The following GHRHR variants were observed in gnomAD, a reference collection of about 807,000 sequenced individuals.
GHRHR encodes the protein growth hormone-releasing hormone receptor.
Under a neutral mutation model 58.3 loss-of-function variants are expected in GHRHR, and 40 were observed. That is an observed-to-expected ratio of 0.69 (90% CI 0.53 to 0.89). GHRHR has a LOEUF of 0.89. Ranked by LOEUF, GHRHR falls within the 40% of genes least tolerant of loss-of-function variation. The probability of loss-of-function intolerance (pLI) is 0.00; values close to 1 mark genes in which losing one functional copy is unlikely to be tolerated. For missense variants in GHRHR, 551 were observed against 541.3 expected, an observed-to-expected ratio of 1.02 and a Z score of -0.18; for synonymous variants, 249 against 216.6, an observed-to-expected ratio of 1.15 and a Z score of -1.31.
At chr7:30,974,258 C>T in intron 7 of GHRHR, 120 bp downstream of exon 7, 1 of 1,233,406 alleles carries the variant, frequency 8.1e-7, no homozygotes, top group Non-Finnish European at 1.2e-6. Flanking sequence ...GGACAGGCCA[C>T]AGTCCGGCAG....
At chr7:30,978,260 T>C (rs1792625547) in intron 12 of GHRHR, among the ~76,000 whole-genome samples, 1 of 152,184 alleles carries the variant, frequency 6.6e-6, no homozygotes, top group Admixed American at 6.5e-5. Flanking sequence ...GGTGTCTGGC[T>C]GTAGCAGACC....
intron 1 of GHRHR, among the ~76,000 whole-genome samples, chr7:30,966,766 C>A (rs1212137711): frequency 1.3e-5 from 2 of 152,278 alleles, no homozygotes; most frequent in East Asian, 3.9e-4. Context: ...CCTCAGCCTC[C>A]TGAGTAGCTG....
intron 1 of GHRHR, among the ~76,000 whole-genome samples, chr7:30,968,452 C>G (rs1034160639): frequency 6.6e-6 from 1 of 152,060 alleles, no homozygotes; most frequent in African/African-American, 2.4e-5. Context: ...CCATCCAAAC[C>G]TAGGCAGACC....
intron 7 of GHRHR, 96 bp from the exon 8 acceptor site, chr7:30,974,333 G>A (rs532132382): frequency 9.0e-7 from 1 of 1,115,682 alleles, no homozygotes; most frequent in East Asian, 2.3e-5. Context: ...CCTTTGCAGT[G>A]CCCTACGTGG....
intron 1 of GHRHR, among the ~76,000 whole-genome samples, chr7:30,964,338 G>T (rs766347089): frequency 5.9e-5 from 9 of 152,198 alleles, no homozygotes; most frequent in Non-Finnish European, 1.0e-4. Context: ...GTGACTCTGG[G>T]TAGTGCTATT....
chr7:30,964,172 A>C, intron 1 of GHRHR, 47 bp downstream of exon 1: 1 of 1,509,086 alleles, frequency 6.6e-7, no homozygotes, highest in Non-Finnish European at 8.9e-7. Flanking sequence ...TGGGCTCCAG[A>C]TTTGGGAGCC....
Position 30,979,469 on chromosome 7 carries a change from C to T in GHRHR, c.*225C>T, listed in dbSNP as rs561615897. 2.3e-5 allele frequency: 12 copies of T among 521,252 alleles called. No homozygotes were observed. Among genetic ancestry groups the T allele is most frequent in the African/African-American group, 1.5e-4 (8 of 52,572 alleles). The allele number at this position is 521,252 out of a possible 1,614,324, so 32.3% of individuals were successfully genotyped here. ...TCTGTGTCTGCTCTCATCCATTCCT[C>T]TTACTGGGGCCTGGGGCTCTAGCCC... On this transcript the variant is annotated 3_prime_UTR_variant, in exon 13 of 13. Transcript: ENST00000326139.
chr7:30,965,708 G>T (rs1792333929), intron 1 of GHRHR, among the ~76,000 whole-genome samples: 1 of 152,196 alleles, frequency 6.6e-6, no homozygotes, highest in African/African-American at 2.4e-5. Flanking sequence ...GCCCTGAAAA[G>T]TTTCCCAGGC....
In GHRHR at chr7:30,964,145, C is replaced by A; in HGVS notation, c.57+20C>A. ...CCGACCGTGAGTAGCCAGCTGAGAC[C>A]CTCTGGCCTCTGCCACTGGGCTCCA... On this transcript the variant is annotated intron_variant, in intron 1 of 12. Transcript: ENST00000326139. 3 of 1,542,968 alleles carry A rather than the reference C, an allele frequency of 1.9e-6. No individual in the cohort carries two copies. The South Asian group carries it at 3.6e-5, about 18-fold the overall frequency.
intron 4 of GHRHR, among the ~76,000 whole-genome samples, chr7:30,970,285 A>T (rs981439087): frequency 3.3e-5 from 5 of 152,168 alleles, no homozygotes; most frequent in African/African-American, 1.2e-4. Flanking sequence ...GGCTCCTAGC[A>T]GCCCTGGGAA....
intron 4 of GHRHR, 176 bp from the exon 5 acceptor site, chr7:30,970,943 G>A: frequency 1.5e-6 from 1 of 671,112 alleles, no homozygotes; most frequent in Admixed American, 2.1e-5. Flanking sequence ...AAGGCAGGCT[G>A]TAAACTAAAG....
At position 30,977,811 on chromosome 7, in the gene GHRHR, C is replaced by T. The variant is rs866588298; in HGVS notation, c.1146+489C>T. ...TCTGGAGCCCAAGAAACAGAGAGAG[C>T]ACCTAAAGAAAACAGACACACAAAG... On this transcript the variant is annotated intron_variant, in intron 12 of 12. Coordinates refer to ENST00000326139, the MANE Select transcript of GHRHR (RefSeq NM_000823.4). Among the ~76,000 whole-genome samples the T allele has an allele frequency of 4.6e-5, 7 of 152,218 alleles. No homozygotes were observed. In the South Asian group the frequency reaches 6.2e-4, roughly 14 times the overall value.
At chr7:30,966,153 T>C (rs1053138202) in intron 1 of GHRHR, among the ~76,000 whole-genome samples, 9 of 152,070 alleles carry the variant, frequency 5.9e-5, no homozygotes, top group African/African-American at 1.9e-4. Flanking sequence ...CCCTCCTTAC[T>C]GGGCTGGCTC....
chr7:30,965,693 A>G (rs1443695693), intron 1 of GHRHR, among the ~76,000 whole-genome samples: 1 of 152,080 alleles, frequency 6.6e-6, no homozygotes. Context: ...TGCTTCCCCA[A>G]ATTGGCCCTG....
chr7:30,979,056 A>G, intron 12 of GHRHR, 63 bp from the exon 13 acceptor site: 1 of 1,530,132 alleles, frequency 6.5e-7, no homozygotes, highest in East Asian at 2.3e-5. Context: ...CCTTAGTCTC[A>G]TTGGGGTTGA....
intron 1 of GHRHR, among the ~76,000 whole-genome samples, chr7:30,965,013 A>G (rs1333225968): frequency 1.3e-5 from 2 of 152,194 alleles, no homozygotes; most frequent in Non-Finnish European, 2.9e-5. Context: ...TCCTGGACGC[A>G]TGAAACTAGC....
Position 30,969,880 on chromosome 7 carries a change from G to A in GHRHR, c.282G>A (p.Arg94=). ...HFSSESGAVK[R]DCTITGWSEP... is the part of the protein sequence containing the mutation. Reference sequence around the variant, plus strand: ...CTTGCCTCCCAGGGGCTGTGAAACGGGATTGTACTATCACTGGCTGGTCTG... The same window carrying A: ...CTTGCCTCCCAGGGGCTGTGAAACGAGATTGTACTATCACTGGCTGGTCTG... Residue 94 remains arginine (R), a synonymous_variant, in exon 4 of 13, where the codon CGG becomes CGA. Transcript: ENST00000326139. The A allele has an allele frequency of 6.2e-7, 1 of 1,613,042 alleles. No individual in the cohort carries two copies.
intron 5 of GHRHR, 128 bp from the exon 6 acceptor site, chr7:30,971,835 A>T: frequency 2.3e-6 from 2 of 865,240 alleles, no homozygotes; most frequent in Non-Finnish European, 3.9e-6. Flanking sequence ...GTTCAGCTCA[A>T]TTCAATTCAG....
intron 6 of GHRHR, among the ~76,000 whole-genome samples, chr7:30,973,479 A>G (rs1482878002): frequency 6.6e-6 from 1 of 152,208 alleles, no homozygotes; most frequent in African/African-American, 2.4e-5. Context: ...ACCTGGGCCA[A>G]CTGAACTCAG....
Sources: gnomAD v4.1 joint callset for allele counts (sites outside exome capture counted in the v4.1 genomes callset) on GRCh38, gnomAD v4.1.1 for gene constraint, MANE v1.5 for transcripts, NCBI Gene and HGNC (gene_info 2026-07-23, HGNC 2026-07-21) for gene names.